Variants in AMBRA1 observed in about 807,000 individuals in gnomAD.
AMBRA1 encodes the protein autophagy and beclin 1 regulator 1.
AMBRA1 carries 47 observed loss-of-function variants against 125.4 expected under a neutral mutation model. That is an observed-to-expected ratio of 0.37 (90% CI 0.30 to 0.48). The LOEUF (loss-of-function observed/expected upper bound fraction) is 0.48, where lower values mean the gene tolerates loss of function less well. Ranked by LOEUF, AMBRA1 falls within the 20% of genes least tolerant of loss-of-function variation. The pLI is 0.99. For synonymous variants in AMBRA1, 626 were observed against 655.5 expected, an observed-to-expected ratio of 0.95 and a Z score of 0.69; for missense variants, 1,331 against 1,693.4, an observed-to-expected ratio of 0.79 and a Z score of 3.76.
At chr11:46,489,088 T>C (rs969165598) in intron 11 of AMBRA1, among the ~76,000 whole-genome samples, 1 of 152,094 alleles carries the variant, frequency 6.6e-6, no homozygotes. Context: ...TATTACACTT[T>C]AAGTTTTAGG....
Position 46,567,413 on chromosome 11 carries a change from T to A in AMBRA1, c.-120-18913A>T, listed in dbSNP as rs780450436. The stretch of plus-strand genomic sequence containing the variant: ...ACAGAGTCTTGCTCTGTCTCCCAGG[T>A]GGGAGTGCAGTGGCGCCATCTTGGC... On this transcript the variant is annotated intron_variant, in intron 1 of 17. Transcript: ENST00000683756. Among the ~76,000 whole-genome samples the A allele has an allele frequency of 2.4e-4, 37 of 151,128 alleles. No individual in the cohort carries two copies. The Middle Eastern group carries it at 0.01, about 43-fold the overall frequency.
intron 15 of AMBRA1, among the ~76,000 whole-genome samples, chr11:46,412,504 T>C (rs1337345519): frequency 6.6e-6 from 1 of 152,112 alleles, no homozygotes; most frequent in Non-Finnish European, 1.5e-5. Flanking sequence ...TTGCCTAAGC[T>C]GGTCTCAAAT....
chr11:46,436,295 A>T (rs1947713967), intron 12 of AMBRA1, among the ~76,000 whole-genome samples: 1 of 152,202 alleles, frequency 6.6e-6, no homozygotes, highest in South Asian at 2.1e-4. Flanking sequence ...GATACTTAAG[A>T]GTGATTTGTA....
intron 15 of AMBRA1, among the ~76,000 whole-genome samples, chr11:46,412,766 A>T (rs969898874): frequency 3.9e-5 from 6 of 152,100 alleles, no homozygotes; most frequent in South Asian, 4.1e-4. Flanking sequence ...TGGGCATTGG[A>T]GGGCAAAGAT....
chr11:46,423,710 T>G (rs570502019), intron 14 of AMBRA1, among the ~76,000 whole-genome samples: 11 of 147,952 alleles, frequency 7.4e-5, no homozygotes, highest in African/African-American at 2.7e-4. Context: ...TATTTTTAAA[T>G]TTTTACTGTT....
intron 14 of AMBRA1, among the ~76,000 whole-genome samples, chr11:46,421,738 G>C (rs1946858855): frequency 1.3e-5 from 2 of 152,178 alleles, no homozygotes. Context: ...AGACTATCTG[G>C]ACAAGTTTCT....
intron 11 of AMBRA1, among the ~76,000 whole-genome samples, chr11:46,485,835 T>A (rs146652815): frequency 6.6e-6 from 1 of 152,202 alleles, no homozygotes. Flanking sequence ...GCACAGGCAA[T>A]TCAGCTTAGA....
chr11:46,442,329 G>C (rs886395455), intron 12 of AMBRA1, among the ~76,000 whole-genome samples: 3 of 151,992 alleles, frequency 2.0e-5, no homozygotes, highest in East Asian at 3.8e-4. Flanking sequence ...TTTTAGTAGA[G>C]ACGAGGTTTC....
intron 7 of AMBRA1, among the ~76,000 whole-genome samples, chr11:46,517,995 T>A (rs1591011117): frequency 1.3e-5 from 2 of 152,098 alleles, no homozygotes; most frequent in East Asian, 1.9e-4. Flanking sequence ...ATTTAGGGAA[T>A]GTGGGTAAAG....
rs1490689163 is a variant in AMBRA1, at chr11:46,543,004, G to A, written c.1013C>T (p.Thr338Ile). The A allele has an allele frequency of 6.2e-7, 1 of 1,600,574 alleles. No homozygotes were observed. The highest frequency in any genetic ancestry group is 1.1e-5 in the South Asian group (1 of 91,080). Residue 338 changes from threonine (T) to isoleucine (I), a missense_variant, in exon 7 of 18, where the codon ACC (threonine) becomes ATC (isoleucine). This residue lies in a region of AMBRA1 where 689 missense variants were observed against 776.5 expected (regional missense o/e 0.89). Coordinates refer to ENST00000683756, the MANE Select transcript of AMBRA1 (RefSeq NM_001387011.1). Reference protein sequence around the residue: ...SVPPASARATTPSFSFVQTEP... With the variant: ...SVPPASARATIPSFSFVQTEP... The stretch of plus-strand genomic sequence containing the variant: ...GGTCTGTACAAAAGAAAAGGAAGGG[G>A]TAGTAGCTCTGGCAGAAGCAGGGGG...
At chr11:46,573,086 A>G (rs1268517895) in intron 1 of AMBRA1, among the ~76,000 whole-genome samples, 1 of 146,072 alleles carries the variant, frequency 6.8e-6, no homozygotes, top group Non-Finnish European at 1.5e-5. Context: ...GGGCAACAAG[A>G]GCAAAACTCT....
intron 17 of AMBRA1, among the ~76,000 whole-genome samples, chr11:46,403,704 C>T (rs575227435): frequency 1.2e-4 from 19 of 152,222 alleles, no homozygotes; most frequent in Admixed American, 9.8e-4. Flanking sequence ...AAAGCTGACG[C>T]GTGCAAATAC....
intron 12 of AMBRA1, among the ~76,000 whole-genome samples, chr11:46,435,276 C>T (rs962179352): frequency 6.6e-6 from 1 of 152,214 alleles, no homozygotes; most frequent in Non-Finnish European, 1.5e-5. Flanking sequence ...CCACAACCAC[C>T]TGCTGAGTCT....
At chr11:46,581,200 C>T (rs1000963296) in intron 1 of AMBRA1, among the ~76,000 whole-genome samples, 8 of 152,054 alleles carry the variant, frequency 5.3e-5, no homozygotes, top group African/African-American at 1.9e-4. Context: ...TGGCCAGGTA[C>T]GGTGGCTCAC....
At chr11:46,485,464 C>CTA (rs1950233556) in intron 11 of AMBRA1, among the ~76,000 whole-genome samples, 1 of 152,224 alleles carries the variant, frequency 6.6e-6, no homozygotes, top group Non-Finnish European at 1.5e-5. Flanking sequence ...CTTAGCTAAT[C>CTA]TATCAAGACT....
chr11:46,522,969 G>A (rs560849778), intron 7 of AMBRA1, among the ~76,000 whole-genome samples: 15 of 152,318 alleles, frequency 9.8e-5, no homozygotes, highest in East Asian at 9.6e-4. Context: ...GAGTTAGTAC[G>A]TGAAGCCTCA....
intron 15 of AMBRA1, among the ~76,000 whole-genome samples, chr11:46,416,424 G>C (rs190924970): frequency 1.3e-5 from 2 of 152,324 alleles, no homozygotes; most frequent in Middle Eastern, 3.4e-3. Flanking sequence ...GCAGCTCCAA[G>C]AGCAGCCTGA....
At chr11:46,471,297 G>C (rs1230652417) in intron 11 of AMBRA1, among the ~76,000 whole-genome samples, 1 of 151,768 alleles carries the variant, frequency 6.6e-6, no homozygotes, top group African/African-American at 2.4e-5. Flanking sequence ...ATAAAAATTC[G>C]TCTGGGCACG....
intron 17 of AMBRA1, among the ~76,000 whole-genome samples, chr11:46,402,853 G>A (rs575668521): frequency 7.9e-5 from 12 of 152,290 alleles, no homozygotes; most frequent in East Asian, 1.9e-4. Context: ...CCCAGGGCTC[G>A]GTGTGGACAG....
Sources: gnomAD v4.1 joint callset for allele counts (sites outside exome capture counted in the v4.1 genomes callset) on GRCh38, gnomAD v4.1.1 for gene constraint, gnomAD v4.1.1 regional missense constraint, MANE v1.5 for transcripts, NCBI Gene and HGNC (gene_info 2026-07-23, HGNC 2026-07-21) for gene names.